The following RAB38 variants were observed in gnomAD, a reference collection of about 807,000 sequenced individuals.
RAB38 encodes ras-related protein Rab-38.
RAB38 carries 15 observed loss-of-function variants against 18.4 expected under a neutral mutation model. The observed-to-expected ratio is 0.82, with a 90% CI of 0.55 to 1.26. The LOEUF (loss-of-function observed/expected upper bound fraction) is 1.26. Ranked by LOEUF, RAB38 falls within the 50% of genes most tolerant of loss-of-function variation. The probability of loss-of-function intolerance (pLI) is 0.00; values close to 1 mark genes in which losing one functional copy is unlikely to be tolerated. For missense variants in RAB38, 294 were observed against 267.4 expected (o/e 1.10, Z -0.69); for synonymous variants, 101 against 104.4 (o/e 0.97, Z 0.20).
chr11:87,972,192 GC>G, the RAB38 span, among the ~76,000 whole-genome samples: 1 of 151,980 alleles, frequency 6.6e-6, no homozygotes, highest in South Asian at 2.1e-4. Flanking sequence ...TTTATAAGGT[GC>G]CCCACACTTC....
In RAB38 at chr11:88,149,863, C is replaced by G; in HGVS notation, c.295G>C (p.Glu99Gln). The G allele has an allele frequency of 6.2e-7, 1 of 1,614,034 alleles. No individual in the cohort carries two copies. The highest frequency in any genetic ancestry group is 1.1e-5 in the South Asian group (1 of 91,072). ...TCATTTTTCCACTTTGCCACTGCTTCAAATGTGGCTGGCCTGGTGACATCG... is the reference window on the plus strand; with the variant it reads ...TCATTTTTCCACTTTGCCACTGCTTGAAATGTGGCTGGCCTGGTGACATCG... ...VFDVTRPATF[E>Q]AVAKWKNDLD... Residue 99 changes from glutamate (E) to glutamine (Q), a missense_variant, in exon 2 of 3, where the codon GAA becomes CAA. Physicochemically the swap from Glu to Gln is conservative, Grantham distance 29. Transcript: ENST00000243662.
the RAB38 span, among the ~76,000 whole-genome samples, chr11:87,976,613 T>G: frequency 9.6e-6 from 1 of 103,790 alleles, no homozygotes; most frequent in African/African-American, 3.8e-5. Context: ...ATACATATTT[T>G]ACATGATATA....
the RAB38 span, among the ~76,000 whole-genome samples, chr11:88,052,935 T>TATATATATATTTC: frequency 1.2e-5 from 1 of 85,790 alleles, no homozygotes; most frequent in South Asian, 3.1e-4. Context: ...TATATATATA[T>TATATATATATTTC]ATATATATAA....
chr11:87,923,961 G>GAAA, the RAB38 span, among the ~76,000 whole-genome samples: 3 of 134,980 alleles, frequency 2.2e-5, no homozygotes, highest in African/African-American at 7.9e-5. Context: ...AGAGAAAATT[G>GAAA]AAAAAAAAAA....
chr11:87,961,919 G>A, the RAB38 span, among the ~76,000 whole-genome samples: 2 of 152,076 alleles, frequency 1.3e-5, no homozygotes, highest in South Asian at 4.1e-4. Flanking sequence ...GAGACACTGA[G>A]GATAAAAGAG....
the RAB38 span, among the ~76,000 whole-genome samples, chr11:88,077,519 T>G: frequency 6.6e-6 from 1 of 152,034 alleles, no homozygotes; most frequent in African/African-American, 2.4e-5. Context: ...CCTAACTCAT[T>G]TCAACAAGGG....
chr11:87,870,170 T>G, the RAB38 span, among the ~76,000 whole-genome samples: 5 of 151,806 alleles, frequency 3.3e-5, no homozygotes, highest in African/African-American at 1.2e-4. Flanking sequence ...GATTTTATTA[T>G]TCACATGCTC....
chr11:87,817,638 T>A, the RAB38 span: 1 of 152,202 alleles, frequency 6.6e-6, no homozygotes, highest in Non-Finnish European at 1.5e-5. Flanking sequence ...AAAAGTTGGT[T>A]CACATATTCC....
chr11:88,027,829 C>A, the RAB38 span, among the ~76,000 whole-genome samples: 1 of 152,212 alleles, frequency 6.6e-6, no homozygotes, highest in African/African-American at 2.4e-5. Context: ...CAGCAGTAAC[C>A]TCTGCAGACT....
At chr11:87,891,250 G>A in the RAB38 span, among the ~76,000 whole-genome samples, 237 of 151,742 alleles carry the variant, frequency 1.6e-3, no homozygotes, top group Middle Eastern at 6.8e-3. Context: ...ACCAGACATC[G>A]AACAGACACC....
At chr11:87,953,628 A>T in the RAB38 span, among the ~76,000 whole-genome samples, 2 of 152,182 alleles carry the variant, frequency 1.3e-5, no homozygotes, top group Non-Finnish European at 2.9e-5. Context: ...ATTGAATTTT[A>T]TCAAAGGTAT....
the RAB38 span, among the ~76,000 whole-genome samples, chr11:87,976,986 T>TG: frequency 5.9e-3 from 166 of 28,304 alleles, 67 homozygotes; most frequent in Admixed American, 8.0e-3. Context: ...TAAAATATAA[T>TG]TACATTATAC....
intron 2 of RAB38, among the ~76,000 whole-genome samples, chr11:88,117,380 A>ATTT (rs1942568672): frequency 6.6e-6 from 1 of 152,184 alleles, no homozygotes; most frequent in East Asian, 1.9e-4. Context: ...TAAATTTGTC[A>ATTT]AGTAGAGCCA....
chr11:88,096,521 T>A, the RAB38 span, among the ~76,000 whole-genome samples: 1 of 151,912 alleles, frequency 6.6e-6, no homozygotes, highest in Non-Finnish European at 1.5e-5. Context: ...TTGTAGATGG[T>A]CACGTAGACC....
At chr11:87,866,360 C>G in the RAB38 span, among the ~76,000 whole-genome samples, 2 of 151,858 alleles carry the variant, frequency 1.3e-5, no homozygotes, top group Admixed American at 6.6e-5. Context: ...CAATATCTTT[C>G]CAATAGAGAC....
chr11:87,907,551 T>C, the RAB38 span, among the ~76,000 whole-genome samples: 1 of 151,758 alleles, frequency 6.6e-6, no homozygotes, highest in African/African-American at 2.4e-5. Flanking sequence ...ATATTTTTAA[T>C]TATTTCCATC....
At chr11:87,950,974 A>G in the RAB38 span, among the ~76,000 whole-genome samples, 3 of 152,182 alleles carry the variant, frequency 2.0e-5, no homozygotes, top group African/African-American at 4.8e-5. Flanking sequence ...AATATCCTGC[A>G]GAGTGTTTTC....
At chr11:88,095,630 C>T in the RAB38 span, among the ~76,000 whole-genome samples, 3 of 151,916 alleles carry the variant, frequency 2.0e-5, no homozygotes, top group South Asian at 6.2e-4. Flanking sequence ...ACTTTAAATA[C>T]TGTCTATAAG....
At chr11:88,112,030 T>C (rs1441102490), downstream of RAB38, among the ~76,000 whole-genome samples, 1 of 152,238 alleles carries the variant, frequency 6.6e-6, no homozygotes, top group African/African-American at 2.4e-5. Flanking sequence ...TTAGAATCAA[T>C]GCCAGGTAGA....
Sources: allele counts gnomAD v4.1 joint callset (sites outside exome capture counted in the v4.1 genomes callset), GRCh38; gene constraint gnomAD v4.1.1; transcripts MANE v1.5; gene names NCBI Gene and HGNC (gene_info 2026-07-23, HGNC 2026-07-21).